Variants in DNM2 observed in about 807,000 individuals in gnomAD.
DNM2 encodes dynamin 2.
Under a neutral mutation model 99.0 loss-of-function variants are expected in DNM2, and 15 were observed. The ratio of observed to expected loss-of-function variants is 0.15; its 90% CI spans 0.10 to 0.23. DNM2 has a LOEUF of 0.23. DNM2 is among the 10% of genes least tolerant of loss of function. The pLI, the probability that DNM2 is intolerant of heterozygous loss-of-function variation, is 1.00. For missense variants in DNM2, 742 were observed against 1,189.4 expected (o/e 0.62, Z 5.53); for synonymous variants, 525 against 481.2 (o/e 1.09, Z -1.19).
At chr19:10,785,664 C>T (rs148793895) in intron 6 of DNM2, among the ~76,000 whole-genome samples, 4 of 152,074 alleles carry the variant, frequency 2.6e-5, no homozygotes, top group Non-Finnish European at 4.4e-5. Context: ...TGGTCTCAAA[C>T]GCCTATCCTC....
At chr19:10,822,074 G>C (rs1372031335) in intron 16 of DNM2, among the ~76,000 whole-genome samples, 1 of 152,196 alleles carries the variant, frequency 6.6e-6, no homozygotes, top group Non-Finnish European at 1.5e-5. Context: ...GAAAATGTGC[G>C]TGGCATGTGG....
intron 15 of DNM2, among the ~76,000 whole-genome samples, chr19:10,819,580 G>A (rs569247407): frequency 6.6e-6 from 1 of 152,182 alleles, no homozygotes; most frequent in Non-Finnish European, 1.5e-5. Context: ...GTGGCAGTCA[G>A]CCACCTAGGT....
In DNM2 at chr19:10,718,181, G is replaced by A; in HGVS notation, c.-62G>A. On this transcript the variant is annotated 5_prime_UTR_variant, in exon 1 of 21. Transcript: ENST00000389253. ...ACGGCTACAGACGCCGCGGGGCCAG[G>A]TCGTTGAGGGTCGGCGGCGGGCGAG... 1 of 1,363,374 alleles carries A rather than the reference G, an allele frequency of 7.3e-7. No homozygotes were observed. Among genetic ancestry groups the A allele is most frequent in the Non-Finnish European group, 9.5e-7 (1 of 1,057,598 alleles). 84.5% of individuals were successfully genotyped at this position (1,363,374 alleles called of 1,614,324 possible).
At chr19:10,808,305 G>A (rs2072423998) in intron 13 of DNM2, among the ~76,000 whole-genome samples, 1 of 152,126 alleles carries the variant, frequency 6.6e-6, no homozygotes, top group Non-Finnish European at 1.5e-5. Context: ...ACCATTGCAT[G>A]ATTTATTTTT....
intron 7 of DNM2, among the ~76,000 whole-genome samples, chr19:10,786,979 A>G (rs2071581745): frequency 6.6e-6 from 1 of 152,246 alleles, no homozygotes; most frequent in South Asian, 2.1e-4. Context: ...AGTGTGTTAA[A>G]TGTCAAAATA....
Position 10,795,539 on chromosome 19 carries a change from C to T in DNM2, c.1196+100C>T, listed in dbSNP as rs1388919305. 5 of 1,373,010 alleles carry T rather than the reference C, an allele frequency of 3.6e-6. No individual in the cohort carries two copies. The highest frequency in any genetic ancestry group is 1.2e-5 in the South Asian group (1 of 85,900). 85.1% of individuals were successfully genotyped at this position (1,373,010 alleles called of 1,614,324 possible). ...CACCTCTGAGTCCCTAATCGTTAGGCCTTAAGAGGGCTCTTGGATGGTTTT... is the reference window on the plus strand; with the variant it reads ...CACCTCTGAGTCCCTAATCGTTAGGTCTTAAGAGGGCTCTTGGATGGTTTT... On this transcript the variant is annotated intron_variant, in intron 9 of 20. Coordinates refer to ENST00000389253, the MANE Select transcript of DNM2 (RefSeq NM_001005361.3). The surrounding 1 kb of genome is among the most constrained non-coding windows in gnomAD (Gnocchi z 4.2).
intron 12 of DNM2, 51 bp from the exon 13 acceptor site, chr19:10,805,865 T>G (rs112080431): frequency 1.2e-6 from 2 of 1,613,526 alleles, no homozygotes; most frequent in Admixed American, 3.3e-5. Context: ...CTTCCCCTTC[T>G]TCCCCCCCGG....
At chr19:10,770,578 C>T (rs2070940668) in intron 2 of DNM2, among the ~76,000 whole-genome samples, 1 of 152,082 alleles carries the variant, frequency 6.6e-6, no homozygotes, top group Non-Finnish European at 1.5e-5. Flanking sequence ...GTATTTGAGA[C>T]CGGGCAATTT....
intron 1 of DNM2, among the ~76,000 whole-genome samples, chr19:10,742,913 CTTT>C (rs61431112): frequency 3.0e-5 from 4 of 133,768 alleles, no homozygotes; most frequent in Non-Finnish European, 1.6e-5. Context: ...GTTTTTCTTT[CTTT>C]TTTTTTTTTT....
chr19:10,752,476 C>T (rs904231230), intron 1 of DNM2, among the ~76,000 whole-genome samples: 4 of 152,188 alleles, frequency 2.6e-5, no homozygotes, highest in African/African-American at 4.8e-5. Context: ...CAGTGCCTGG[C>T]GCCTCAGACA....
chr19:10,798,024 A>C (rs979730627), intron 10 of DNM2, among the ~76,000 whole-genome samples: 5 of 152,092 alleles, frequency 3.3e-5, no homozygotes, highest in South Asian at 4.2e-4. Context: ...TGTGCCACAG[A>C]TACAGTGATC....
chr19:10,789,448 G>T (rs890772081), intron 7 of DNM2, among the ~76,000 whole-genome samples: 5 of 152,012 alleles, frequency 3.3e-5, no homozygotes, highest in Non-Finnish European at 7.4e-5. Flanking sequence ...CCAGCACATG[G>T]GGATGCCAAG....
chr19:10,809,032 G>T (rs1412867078), intron 14 of DNM2: 1 of 161,340 alleles, frequency 6.2e-6, no homozygotes, highest in Non-Finnish European at 1.4e-5. Context: ...TTGCCCTCTT[G>T]TGCCCATGGC....
chr19:10,750,795 T>C (rs2070165205), intron 1 of DNM2, among the ~76,000 whole-genome samples: 1 of 151,506 alleles, frequency 6.6e-6, no homozygotes, highest in African/African-American at 2.4e-5. Flanking sequence ...TAGCCGGGTG[T>C]GGTGCTGGGC....
chr19:10,823,381 G>T (rs2073042796), intron 16 of DNM2: 1 of 150,906 alleles, frequency 6.6e-6, no homozygotes, highest in Admixed American at 6.6e-5. Context: ...CTCCAGCCTG[G>T]ACAACAAAAG....
intron 15 of DNM2, 79 bp from the exon 16 acceptor site, chr19:10,819,901 C>T (rs1180275359): frequency 4.5e-6 from 6 of 1,332,722 alleles, no homozygotes; most frequent in Non-Finnish European, 6.5e-6. Context: ...GGTGGTGGCG[C>T]ATGCTACACG....
chr19:10,823,821 G>C lies in DNM2; in HGVS notation c.1815G>C (p.Leu605=), dbSNP rs1412516683. 7 of 1,613,722 alleles carry C rather than the reference G, an allele frequency of 4.3e-6. No homozygotes were observed. The highest frequency in any genetic ancestry group is 4.2e-6 in the Non-Finnish European group (5 of 1,179,984). The part of the protein sequence containing the change: ...NVYKDLRQIE[L]ACDSQEDVDS... ...ACAAGGACCTGCGGCAGATCGAGCT[G>C]GCCTGTGACTCCCAGGAAGACGTGG... The change falls in exon 17 of 21, where the codon CTG becomes CTC. Residue 605 remains leucine (L), a synonymous_variant. Coordinates refer to ENST00000389253, the MANE Select transcript of DNM2 (RefSeq NM_001005361.3).
At chr19:10,750,208 G>C (rs1241808854) in intron 1 of DNM2, among the ~76,000 whole-genome samples, 2 of 152,210 alleles carry the variant, frequency 1.3e-5, no homozygotes, top group African/African-American at 2.4e-5. Flanking sequence ...GCTAGGTGCA[G>C]TGGCTCACAC....
chr19:10,767,436 C>G (rs903605339), intron 2 of DNM2, among the ~76,000 whole-genome samples: 2 of 152,320 alleles, frequency 1.3e-5, no homozygotes, highest in African/African-American at 4.8e-5. Flanking sequence ...CTCAGCCACC[C>G]GTGTAGCTGG....
Sources: allele counts gnomAD v4.1 joint callset (sites outside exome capture counted in the v4.1 genomes callset), GRCh38; gene constraint gnomAD v4.1.1; non-coding constraint Gnocchi (gnomAD v3.1); transcripts MANE v1.5; gene names NCBI Gene and HGNC (gene_info 2026-07-23, HGNC 2026-07-21).